The following KIAA1217 variants were observed in gnomAD, a reference collection of about 807,000 sequenced individuals.
KIAA1217 encodes the protein KIAA1217, also known as sickle tail protein homolog.
In KIAA1217, 88 loss-of-function variants were observed where a neutral mutation model predicts 163.9. The observed-to-expected ratio is 0.54, with a 90% CI of 0.45 to 0.64. The LOEUF (loss-of-function observed/expected upper bound fraction) is 0.64, where lower values mean the gene tolerates loss of function less well. KIAA1217 is among the 30% of genes least tolerant of loss of function. The probability of loss-of-function intolerance (pLI) is 0.00; values close to 1 mark genes in which losing one functional copy is unlikely to be tolerated. For missense variants in KIAA1217, 2,372 were observed against 2,475.0 expected, an observed-to-expected ratio of 0.96 and a Z score of 0.88; for synonymous variants, 903 against 923.1, an observed-to-expected ratio of 0.98 and a Z score of 0.39.
chr10:24,406,442 T>C (rs1657867011), intron 3 of KIAA1217, among the ~76,000 whole-genome samples: 1 of 148,084 alleles, frequency 6.8e-6, no homozygotes, highest in Admixed American at 6.7e-5. Context: ...AACACACACA[T>C]TGCTAATGGG....
At chr10:24,290,015 G>A (rs2078938583) in intron 2 of KIAA1217, among the ~76,000 whole-genome samples, 1 of 152,158 alleles carries the variant, frequency 6.6e-6, no homozygotes, top group Non-Finnish European at 1.5e-5. Flanking sequence ...TTCAGATGTA[G>A]AGCAACAGTT....
intron 2 of KIAA1217, among the ~76,000 whole-genome samples, chr10:24,230,497 G>GTTTTTT (rs1466924722): frequency 3.1e-4 from 15 of 48,280 alleles, no homozygotes; most frequent in African/African-American, 1.3e-3. Flanking sequence ...ACTACTATTT[G>GTTTTTT]TTTTGTTTTT....
chr10:23,780,531 C>A (rs930904674), intron 1 of KIAA1217, among the ~76,000 whole-genome samples: 2 of 152,196 alleles, frequency 1.3e-5, no homozygotes, highest in Non-Finnish European at 2.9e-5. Context: ...AGGCTGATAA[C>A]CTCCACTTGT....
chr10:24,130,572 G>C (rs1427175857), intron 2 of KIAA1217, among the ~76,000 whole-genome samples: 1 of 152,146 alleles, frequency 6.6e-6, no homozygotes, highest in Non-Finnish European at 1.5e-5. Context: ...AGAGTTGATA[G>C]AGTACTATGG....
chr10:24,435,922 A>T (rs1432589930), intron 4 of KIAA1217, among the ~76,000 whole-genome samples: 1 of 151,582 alleles, frequency 6.6e-6, no homozygotes, highest in Non-Finnish European at 1.5e-5. Flanking sequence ...GTGCAGTGGC[A>T]TGATCTCAGT....
At chr10:24,160,211 G>C (rs1467098707) in intron 2 of KIAA1217, among the ~76,000 whole-genome samples, 1 of 151,948 alleles carries the variant, frequency 6.6e-6, no homozygotes, top group Non-Finnish European at 1.5e-5. Context: ...TCCAATTAAT[G>C]AGCATTTTGA....
intron 2 of KIAA1217, among the ~76,000 whole-genome samples, chr10:24,201,186 G>A (rs571761560): frequency 6.6e-6 from 1 of 152,088 alleles, no homozygotes; most frequent in African/African-American, 2.4e-5. Flanking sequence ...CAGGAGAATT[G>A]CTTGAACCCA....
At chr10:24,432,151 T>A (rs1198352280) in intron 3 of KIAA1217, among the ~76,000 whole-genome samples, 3 of 147,028 alleles carry the variant, frequency 2.0e-5, no homozygotes, top group African/African-American at 7.6e-5. Context: ...TAAGATGGAG[T>A]CTTACTCTAT....
At chr10:24,025,279 C>T (rs1847892100) in intron 2 of KIAA1217, among the ~76,000 whole-genome samples, 1 of 151,560 alleles carries the variant, frequency 6.6e-6, no homozygotes, top group Non-Finnish European at 1.5e-5. Context: ...AGGTTATTTT[C>T]CTCATAAAAT....
chr10:24,458,997 A>C (rs1442785146), intron 5 of KIAA1217, among the ~76,000 whole-genome samples: 1 of 151,924 alleles, frequency 6.6e-6, no homozygotes, highest in African/African-American at 2.4e-5. Context: ...TGTTAGAAAT[A>C]CAGATTCCTC....
At chr10:24,457,428 C>A in intron 5 of KIAA1217, among the ~76,000 whole-genome samples, 1 of 150,976 alleles carries the variant, frequency 6.6e-6, no homozygotes, top group African/African-American at 2.5e-5. Context: ...GGCTGGAGTG[C>A]AGTGGTATAA....
intron 2 of KIAA1217, among the ~76,000 whole-genome samples, chr10:24,283,678 A>T (rs552776361): frequency 6.6e-5 from 10 of 152,210 alleles, no homozygotes; most frequent in African/African-American, 2.4e-4. Context: ...AAAAATAATT[A>T]AAAAAAGAAA....
intron 1 of KIAA1217, among the ~76,000 whole-genome samples, chr10:24,209,520 A>G (rs1589919114): frequency 6.6e-6 from 1 of 152,222 alleles, no homozygotes; most frequent in Non-Finnish European, 1.5e-5. Flanking sequence ...GCAGTGAGCC[A>G]TCAGCATGAG....
chr10:24,097,421 C>A (rs748066638), intron 2 of KIAA1217, among the ~76,000 whole-genome samples: 1 of 152,030 alleles, frequency 6.6e-6, no homozygotes, highest in African/African-American at 2.4e-5. Context: ...AGTGTGGTGG[C>A]TTATGCCTGT....
chr10:24,388,073 C>G (rs549848165), intron 3 of KIAA1217, among the ~76,000 whole-genome samples: 7 of 152,240 alleles, frequency 4.6e-5, no homozygotes, highest in Non-Finnish European at 7.4e-5. Flanking sequence ...TCATATGGAA[C>G]CAAAAAAGAG....
chr10:24,091,505 G>A (rs530651138), intron 2 of KIAA1217, among the ~76,000 whole-genome samples: 4 of 151,896 alleles, frequency 2.6e-5, no homozygotes, highest in South Asian at 2.1e-4. Flanking sequence ...ATGTGTTTAC[G>A]TTATCAAGAA....
chr10:23,786,797 C>T (rs1288694698), intron 1 of KIAA1217, among the ~76,000 whole-genome samples: 3 of 152,114 alleles, frequency 2.0e-5, no homozygotes, highest in Admixed American at 1.3e-4. Flanking sequence ...CACACCTGAC[C>T]ACAGAGAATT....
intron 3 of KIAA1217, among the ~76,000 whole-genome samples, chr10:24,391,099 C>T (rs1300988442): frequency 2.0e-5 from 3 of 152,112 alleles, no homozygotes; most frequent in African/African-American, 7.2e-5. Flanking sequence ...CTGAGAGATT[C>T]TATGCCTTTT....
chr10:23,877,994 C>A (rs2131180776), intron 1 of KIAA1217, among the ~76,000 whole-genome samples: 1 of 151,972 alleles, frequency 6.6e-6, no homozygotes, highest in Middle Eastern at 3.4e-3. Context: ...TTCAGCTGAA[C>A]CAACAGCCAG....
Sources: allele counts gnomAD v4.1 joint callset (sites outside exome capture counted in the v4.1 genomes callset), GRCh38; gene constraint gnomAD v4.1.1; transcripts MANE v1.5; gene names NCBI Gene and HGNC (gene_info 2026-07-23, HGNC 2026-07-21).